Variants in FBLN2 observed in about 807,000 individuals in gnomAD.
The protein encoded by FBLN2 is fibulin-2.
Under a neutral mutation model 123.7 loss-of-function variants are expected in FBLN2, and 81 were observed. That is an observed-to-expected ratio of 0.65 (90% CI 0.55 to 0.79). The LOEUF (loss-of-function observed/expected upper bound fraction) is 0.79, where lower values mean the gene tolerates loss of function less well. Ranked by LOEUF, FBLN2 falls within the 30% of genes least tolerant of loss-of-function variation. FBLN2 has a pLI of 0.00. For synonymous variants in FBLN2, 699 were observed against 701.4 expected (o/e 1.00, Z 0.05); for missense variants, 1,603 against 1,681.3 (o/e 0.95, Z 0.81).
At chr3:13,574,971 C>G (rs1704088129) in intron 2 of FBLN2, among the ~76,000 whole-genome samples, 1 of 152,210 alleles carries the variant, frequency 6.6e-6, no homozygotes, top group Non-Finnish European at 1.5e-5. Context: ...CCATTAGACT[C>G]TAAACGAGGG....
chr3:13,631,444 G>A lies in FBLN2; in HGVS notation c.3201G>A (p.Gly1067=). The A allele has an allele frequency of 1.3e-6, 2 of 1,593,186 alleles. No individual in the cohort carries two copies. The highest frequency in any genetic ancestry group is 2.3e-5 in the South Asian group (2 of 87,614). Reference sequence around the variant, plus strand: ...AGGGCTACACCATGACGGCCAACGGGAGGTCCTGCAAGGGTGAGCAAGTCC... The same window carrying A: ...AGGGCTACACCATGACGGCCAACGGAAGGTCCTGCAAGGGTGAGCAAGTCC... ...PEQGYTMTAN[G]RSCKDVDECA... is the part of the protein sequence containing the mutation. Residue 1067 remains glycine (G), a synonymous_variant, in exon 16 of 18, where the codon GGG becomes GGA. Coordinates refer to ENST00000404922, the MANE Select transcript of FBLN2 (RefSeq NM_001004019.2).
Position 13,570,545 on chromosome 3 carries a change from G to T in FBLN2, c.190G>T (p.Ala64Ser). The T allele has an allele frequency of 6.3e-6, 10 of 1,590,766 alleles. No individual in the cohort carries two copies. The highest frequency in any genetic ancestry group is 7.7e-6 in the Non-Finnish European group (9 of 1,170,298). ...TGCCACGTGTGTGCAGCAGGGCTGC[G>T]CCTGCGAGGGCTACCAGTACTATGA... is the stretch of plus-strand genomic sequence containing the variant. ...CCATCVQQGC[A>S]CEGYQYYDCL... Residue 64 changes from alanine to serine, a missense_variant, in exon 2 of 18, where the codon GCC (alanine) becomes TCC (serine). Ala to Ser is a moderately conservative substitution (Grantham distance 99, BLOSUM62 1). Transcript: ENST00000404922.
chr3:13,636,859 G>C (rs1481140540), intron 17 of FBLN2, among the ~76,000 whole-genome samples: 1 of 152,346 alleles, frequency 6.6e-6, no homozygotes, highest in East Asian at 1.9e-4. Context: ...TTTAGCACCA[G>C]AATACAACAG....
chr3:13,613,257 A>G (rs74680510), intron 4 of FBLN2, among the ~76,000 whole-genome samples: 4,367 of 152,346 alleles, frequency 0.029, 195 homozygotes, highest in African/African-American at 0.098. Context: ...AGGTTGGGAA[A>G]TACACACTTT....
rs1158732683 is a variant in FBLN2 at position 13,629,895 on chromosome 3, GTTCC to G, written c.2920_2923del (p.Ser974AlafsTer7). On this transcript the variant is annotated frameshift_variant, in exon 14 of 18. Coordinates refer to ENST00000404922, the MANE Select transcript of FBLN2 (RefSeq NM_001004019.2). LOFTEE classifies it high-confidence loss of function. ...GAGAACACACTCGGCTCCTACCGCT[GTTCC>G]TGCGCCTCCGGGTTCCTGCTAGCAG... 6.2e-7 allele frequency: 1 copy of G among 1,605,960 alleles called. No individual in the cohort carries two copies. The highest frequency in any genetic ancestry group is 1.1e-5 in the South Asian group (1 of 89,198).
Position 13,629,906 on chromosome 3 carries a change from TC to T in FBLN2, c.2931del (p.Phe979SerfsTer3). 2 of 1,608,584 alleles carry T rather than the reference TC, an allele frequency of 1.2e-6. No individual in the cohort carries two copies. The highest frequency in any genetic ancestry group is 1.7e-6 in the Non-Finnish European group (2 of 1,178,172). ...TLGSYRCSCA[S>X]GFLLAADGKR... ...CGGCTCCTACCGCTGTTCCTGCGCCTCCGGGTTCCTGCTAGCAGCGGACGGC... is the reference window on the plus strand; with the variant it reads ...CGGCTCCTACCGCTGTTCCTGCGCCTCGGGTTCCTGCTAGCAGCGGACGGC... On this transcript the variant is annotated frameshift_variant, in exon 14 of 18. Coordinates refer to ENST00000404922, the MANE Select transcript of FBLN2 (RefSeq NM_001004019.2). LOFTEE classifies it high-confidence loss of function.
intron 9 of FBLN2, among the ~76,000 whole-genome samples, chr3:13,622,763 A>C (rs1705898643): frequency 6.6e-6 from 1 of 152,214 alleles, no homozygotes; most frequent in Non-Finnish European, 1.5e-5. Context: ...GAGAACTGTA[A>C]ACCCTTGTGT....
chr3:13,619,794 C>G lies in FBLN2; in HGVS notation c.2118C>G (p.Pro706=). 1 of 1,612,736 alleles carries G rather than the reference C, an allele frequency of 6.2e-7. No homozygotes were observed. The highest frequency in any genetic ancestry group is 8.5e-7 in the Non-Finnish European group (1 of 1,179,322). Reference sequence around the variant, plus strand: ...GCTCAGCCATATGCTCCTGTTTTCCCGGCTATGCCATCATGGCGGATGGCG... The same window carrying G: ...GCTCAGCCATATGCTCCTGTTTTCCGGGCTATGCCATCATGGCGGATGGCG... The part of the protein sequence containing the change: ...VGGSAICSCF[P]GYAIMADGVS... Residue 706 remains proline, a synonymous_variant, in exon 8 of 18, where the codon CCC becomes CCG. Coordinates refer to ENST00000404922, the MANE Select transcript of FBLN2 (RefSeq NM_001004019.2).
At chr3:13,574,127 G>T (rs545112316) in intron 2 of FBLN2, among the ~76,000 whole-genome samples, 2 of 152,318 alleles carry the variant, frequency 1.3e-5, no homozygotes, top group Admixed American at 1.3e-4. Context: ...GTGTTGAGGG[G>T]CGTCTGCAGT....
intron 2 of FBLN2, among the ~76,000 whole-genome samples, chr3:13,604,239 T>G (rs191265551): frequency 0.011 from 1,743 of 152,332 alleles, 35 homozygotes; most frequent in African/African-American, 0.04. Context: ...TTAGTTTAAT[T>G]AGATCCCATT....
At chr3:13,587,193 C>T (rs1574963309) in intron 2 of FBLN2, among the ~76,000 whole-genome samples, 1 of 147,658 alleles carries the variant, frequency 6.8e-6, no homozygotes, top group East Asian at 2.0e-4. Flanking sequence ...AATAAAAACA[C>T]ATATAGAGTA....
rs755201723 is a variant in FBLN2 at position 13,588,307 on chromosome 3, G to A, written c.1306+16646G>A. ...GTGTGTAGTAGTCTATGACACTTAG[G>A]TGTGGGTAAGGACACTCTTATGTCC... On this transcript the variant is annotated intron_variant, in intron 2 of 17. Transcript: ENST00000404922. Among the ~76,000 whole-genome samples, 4 of 152,320 alleles carry A rather than the reference G, an allele frequency of 2.6e-5. No homozygotes were observed. The East Asian group carries it at 5.8e-4, about 22-fold the overall frequency.
In FBLN2 at chr3:13,571,248, C is replaced by T; in HGVS notation, c.893C>T (p.Ala298Val). The stretch of plus-strand genomic sequence containing the variant: ...ATGGCTGTCACTGAGCAGCTGGCAG[C>T]AGGTGGCCACAGGGGGCTGGATGGG... ...EEMAVTEQLA[A>V]GGHRGLDGLP... The change falls in exon 2 of 18, where the codon GCA (alanine) becomes GTA (valine). Residue 298 changes from alanine (A) to valine (V), a missense_variant. Physicochemically the swap from Ala to Val is moderately conservative, Grantham distance 64 (BLOSUM62 0). Transcript: ENST00000404922. 1 of 1,567,254 alleles carries T rather than the reference C, an allele frequency of 6.4e-7. No individual in the cohort carries two copies. The highest frequency in any genetic ancestry group is 8.6e-7 in the Non-Finnish European group (1 of 1,156,524).
At chr3:13,636,360 G>T (rs1706467948) in intron 16 of FBLN2, 85 bp from the exon 17 acceptor site, 4 of 1,541,924 alleles carry the variant, frequency 2.6e-6, no homozygotes, top group South Asian at 2.4e-5. Flanking sequence ...CTGCCGTGGG[G>T]CCCAGGCCTT....
chr3:13,603,057 C>T (rs4684962), intron 2 of FBLN2, among the ~76,000 whole-genome samples: 21,315 of 151,302 alleles, frequency 0.14, 1,967 homozygotes, highest in South Asian at 0.18. Flanking sequence ...ATTACAGGTG[C>T]GCGCCACCAA....
intron 8 of FBLN2, among the ~76,000 whole-genome samples, chr3:13,621,492 C>G (rs1008554860): frequency 1.3e-5 from 2 of 152,226 alleles, no homozygotes; most frequent in Admixed American, 6.5e-5. Context: ...TGGGAAGTAT[C>G]GAGTGCGTAC....
At chr3:13,601,013 T>C (rs1705014900) in intron 2 of FBLN2, among the ~76,000 whole-genome samples, 1 of 152,218 alleles carries the variant, frequency 6.6e-6, no homozygotes, top group South Asian at 2.1e-4. Context: ...ATCACCTGAC[T>C]ACCGTGCATT....
At position 13,570,946 on chromosome 3, in the gene FBLN2, C is replaced by T; in HGVS notation, c.591C>T (p.Tyr197=). 6.2e-7 allele frequency: 1 copy of T among 1,612,678 alleles called. No individual in the cohort carries two copies. Residue 197 remains tyrosine (Y), a synonymous_variant, in exon 2 of 18, where the codon TAC becomes TAT. Coordinates refer to ENST00000404922, the MANE Select transcript of FBLN2 (RefSeq NM_001004019.2). ...CCGAGCGACACTACGAAGACCCCTA[C>T]AGCTATGACCAGGAGGTGGCCGAGG... ...GDPERHYEDP[Y]SYDQEVAEVE...
intron 1 of FBLN2, among the ~76,000 whole-genome samples, chr3:13,559,908 G>T (rs368205878): frequency 2.0e-5 from 3 of 152,218 alleles, no homozygotes; most frequent in Admixed American, 2.0e-4. Context: ...CGGGGCATGG[G>T]TGTGCCTCCT....
Sources: gnomAD v4.1 joint callset for allele counts (sites outside exome capture counted in the v4.1 genomes callset) on GRCh38, gnomAD v4.1.1 for gene constraint, MANE v1.5 for transcripts, NCBI Gene and HGNC (gene_info 2026-07-23, HGNC 2026-07-21) for gene names.